The following UGT1A8 variants were observed in gnomAD, a reference collection of about 807,000 sequenced individuals.
UGT1A8 encodes UDP glucuronosyltransferase family 1 member A8, also known as UDP-glucuronosyltransferase 1A8.
In UGT1A8, 39 loss-of-function variants were observed where a neutral mutation model predicts 45.3. The ratio of observed to expected loss-of-function variants is 0.86; its 90% CI spans 0.67 to 1.12. The LOEUF is 1.12. Among genes scored for constraint, UGT1A8 ranks in the 50% most tolerant of loss-of-function variants. The probability of loss-of-function intolerance (pLI) is 0.00; values close to 1 mark genes in which losing one functional copy is unlikely to be tolerated. For missense variants in UGT1A8, 719 were observed against 664.9 expected (o/e 1.08, Z -0.90); for synonymous variants, 275 against 249.2 (o/e 1.10, Z -0.97).
At chr2:233,718,263 G>A (rs889677114) in intron 1 of UGT1A8, among the ~76,000 whole-genome samples, 4 of 152,166 alleles carry the variant, frequency 2.6e-5, no homozygotes, top group African/African-American at 9.7e-5. Context: ...ATATCCTGGT[G>A]TGAAAAAAGA....
At chr2:233,734,322 A>G (rs1391524851) in intron 1 of UGT1A8, among the ~76,000 whole-genome samples, 1 of 152,110 alleles carries the variant, frequency 6.6e-6, no homozygotes, top group Non-Finnish European at 1.5e-5. Flanking sequence ...AGACGTATTT[A>G]TAGTATTCTC....
At chr2:233,729,691 A>G (rs761191770) in intron 1 of UGT1A8, 3 of 1,613,862 alleles carry the variant, frequency 1.9e-6, no homozygotes, top group South Asian at 1.1e-5. Context: ...ACAGTGTCCA[A>G]ACCCTTCCTC....
intron 4 of UGT1A8, 116 bp downstream of exon 4, chr2:233,768,555 A>C: frequency 6.8e-7 from 1 of 1,474,628 alleles, no homozygotes; most frequent in African/African-American, 1.4e-5. Flanking sequence ...AAAAACAAAT[A>C]CATAAAAATC....
At chr2:233,636,656 T>A in intron 1 of UGT1A8, 1 of 1,614,118 alleles carries the variant, frequency 6.2e-7, no homozygotes, top group Non-Finnish European at 8.5e-7. Context: ...CAGTCGGTGG[T>A]GGAGAAACTT....
At chr2:233,646,260 A>G (rs916711121) in intron 1 of UGT1A8, among the ~76,000 whole-genome samples, 3 of 152,186 alleles carry the variant, frequency 2.0e-5, no homozygotes, top group African/African-American at 4.8e-5. Flanking sequence ...GTTTCCTCCT[A>G]GGCCTCCAGG....
intron 1 of UGT1A8, among the ~76,000 whole-genome samples, chr2:233,640,423 C>T (rs796075766): frequency 4.6e-5 from 7 of 152,100 alleles, no homozygotes; most frequent in Admixed American, 2.0e-4. Context: ...ATTTGTTACA[C>T]GGCCACAATA....
At chr2:233,630,997 C>A (rs370394922) in intron 1 of UGT1A8, among the ~76,000 whole-genome samples, 6 of 152,042 alleles carry the variant, frequency 3.9e-5, no homozygotes, top group Admixed American at 2.0e-4. Context: ...GCCCTCACCC[C>A]CCGACAGGCC....
rs759121994 is a variant in UGT1A8 at position 233,689,908 on chromosome 2, G to A, written c.855+71346G>A. 104 of 456,562 alleles carry A rather than the reference G, an allele frequency of 2.3e-4. 2 individuals are homozygous for A. The highest frequency in any genetic ancestry group is 1.5e-3 in the South Asian group (94 of 64,560). 28.3% of individuals were successfully genotyped at this position (456,562 alleles called of 1,614,324 possible). ...CTTATTTATTTCTCAGGGCCAGGTA[G>A]GTGCCTGGAATTTCCTTCGAAAGAA... is the stretch of plus-strand genomic sequence containing the variant. On this transcript the variant is annotated intron_variant, in intron 1 of 4. Transcript: ENST00000373450.
In UGT1A8 at chr2:233,742,646, C is replaced by T. The variant is rs1203522527; in HGVS notation, c.856-24388C>T. 5.3e-5 allele frequency: 8 copies of T among 152,164 alleles called. 1 individual carries two copies. The highest frequency in any genetic ancestry group is 1.2e-4 in the African/African-American group (5 of 41,160). The allele number at this position is 152,164 out of a possible 1,614,324, so 9.4% of individuals were successfully genotyped here. A position where few individuals can be genotyped will look rare whatever the true frequency, so the allele number is the denominator to read the frequency against. On this transcript the variant is annotated intron_variant, in intron 1 of 4. Transcript: ENST00000373450. Reference sequence around the variant, plus strand: ...GCTGAAGACAGTCCTAGTATACCACCGACCAACCATGTAACCCCAAGGTTT... The same window carrying T: ...GCTGAAGACAGTCCTAGTATACCACTGACCAACCATGTAACCCCAAGGTTT...
At chr2:233,671,820 G>T in intron 1 of UGT1A8, 1 of 1,431,012 alleles carries the variant, frequency 7.0e-7, no homozygotes, top group Admixed American at 2.8e-5. Flanking sequence ...TTTTTTTTAT[G>T]AAAGGATAAA....
rs557040072 is a variant in UGT1A8 at position 233,724,531 on chromosome 2, C to A, written c.856-42503C>A. ...CCTCACCTCCCAGATGGGGTCTCGCCGGGCAGAGGCGCTCCTCACATCCCA... is the reference window on the plus strand; with the variant it reads ...CCTCACCTCCCAGATGGGGTCTCGCAGGGCAGAGGCGCTCCTCACATCCCA... On this transcript the variant is annotated intron_variant, in intron 1 of 4. Transcript: ENST00000373450. 8.8e-3 allele frequency among the ~76,000 whole-genome samples: 1,074 copies of A among 121,634 alleles called. 62 individuals carry two copies. Among genetic ancestry groups the A allele is most frequent in the African/African-American group, 0.033 (990 of 29,780 alleles). 79.8% of individuals were successfully genotyped at this position (121,634 alleles called of 152,430 possible). A position where few individuals can be genotyped will look rare whatever the true frequency, so the allele number is the denominator to read the frequency against.
rs1681915037 is a variant in UGT1A8 at position 233,713,066 on chromosome 2, G to C, written c.856-53968G>C. On this transcript the variant is annotated intron_variant, in intron 1 of 4. Coordinates refer to ENST00000373450, the MANE Select transcript of UGT1A8 (RefSeq NM_019076.5). ...TGCTTCTCCTCAGTGTCCAGCCCTG[G>C]GCTGAGAGTGGGAAGGTGCTGGTGG... The C allele has an allele frequency of 2.5e-6, 4 of 1,614,136 alleles. No homozygotes were observed. In the South Asian group the frequency reaches 4.4e-5, roughly 18 times the overall value.
intron 1 of UGT1A8, chr2:233,691,414 C>A (rs1302692454): frequency 2.0e-6 from 2 of 985,422 alleles, no homozygotes; most frequent in African/African-American, 1.7e-5. Context: ...TTGGAGTGGC[C>A]CCTCTAATCA....
intron 1 of UGT1A8, among the ~76,000 whole-genome samples, chr2:233,742,284 C>G (rs1006206335): frequency 6.6e-6 from 1 of 151,974 alleles, no homozygotes. Context: ...AGCATCATTT[C>G]TATAGATTAT....
intron 1 of UGT1A8, among the ~76,000 whole-genome samples, chr2:233,765,843 C>T (rs546022798): frequency 6.6e-6 from 1 of 151,968 alleles, no homozygotes; most frequent in Admixed American, 6.6e-5. Flanking sequence ...TTTCCTTGTC[C>T]CCCTCACAGA....
chr2:233,745,503 T>C (rs1023645979), intron 1 of UGT1A8, among the ~76,000 whole-genome samples: 6 of 151,616 alleles, frequency 4.0e-5, no homozygotes, highest in Admixed American at 6.6e-5. Flanking sequence ...AGATTTCCTA[T>C]AGGGTATTAG....
intron 1 of UGT1A8, chr2:233,719,466 T>C (rs2076769813): frequency 6.2e-7 from 1 of 1,614,004 alleles, no homozygotes; most frequent in South Asian, 1.1e-5. Flanking sequence ...GAACATGCTC[T>C]ACCCTCTGGC....
At chr2:233,623,411 G>A (rs532972728) in intron 1 of UGT1A8, among the ~76,000 whole-genome samples, 2 of 152,200 alleles carry the variant, frequency 1.3e-5, no homozygotes, top group South Asian at 2.1e-4. Flanking sequence ...TTGAACAGTG[G>A]TTTGTAGTTC....
intron 1 of UGT1A8, among the ~76,000 whole-genome samples, chr2:233,657,531 C>T (rs1027225960): frequency 2.0e-5 from 3 of 152,200 alleles, no homozygotes; most frequent in East Asian, 1.9e-4. Context: ...CACCCATTAT[C>T]GGGAAAAACA....
Sources: allele counts gnomAD v4.1 joint callset (sites outside exome capture counted in the v4.1 genomes callset), GRCh38; gene constraint gnomAD v4.1.1; transcripts MANE v1.5; gene names NCBI Gene and HGNC (gene_info 2026-07-23, HGNC 2026-07-21).